CCSER1: variants seen among roughly 807,000 people sequenced by gnomAD.
The protein encoded by CCSER1 is serine-rich coiled-coil domain-containing protein 1.
A neutral mutation model predicts 82.0 loss-of-function variants in CCSER1; 41 were observed. That is an observed-to-expected ratio of 0.50 (90% CI 0.39 to 0.65). The LOEUF is 0.65. CCSER1 is among the 30% of genes least tolerant of loss of function. CCSER1 has a pLI of 0.00. For synonymous variants in CCSER1, 414 were observed against 383.9 expected, an observed-to-expected ratio of 1.08 and a Z score of -0.92; for missense variants, 1,119 against 1,064.2, an observed-to-expected ratio of 1.05 and a Z score of -0.72.
At chr4:90,806,253 T>C (rs951713282) in intron 7 of CCSER1, among the ~76,000 whole-genome samples, 3 of 152,196 alleles carry the variant, frequency 2.0e-5, no homozygotes, top group Admixed American at 2.0e-4. Flanking sequence ...ATTTTATATG[T>C]GTTATTCCAT....
chr4:90,556,679 A>T (rs554241140), intron 5 of CCSER1, among the ~76,000 whole-genome samples: 8 of 152,022 alleles, frequency 5.3e-5, no homozygotes, highest in Non-Finnish European at 8.8e-5. Context: ...AGAGAAATAT[A>T]TTTATTCATT....
intron 1 of CCSER1, among the ~76,000 whole-genome samples, chr4:90,293,560 A>T (rs1027111086): frequency 6.6e-6 from 1 of 151,068 alleles, no homozygotes; most frequent in Non-Finnish European, 1.5e-5. Context: ...ATGAAACTGC[A>T]GGTTATTTAT....
intron 10 of CCSER1, among the ~76,000 whole-genome samples, chr4:91,225,807 C>T (rs533461585): frequency 9.2e-5 from 14 of 151,852 alleles, no homozygotes; most frequent in African/African-American, 3.4e-4. Flanking sequence ...TCTTACATTG[C>T]ATACTCAGAA....
chr4:91,504,071 T>C (rs1365183915), intron 10 of CCSER1, among the ~76,000 whole-genome samples: 1 of 152,178 alleles, frequency 6.6e-6, no homozygotes, highest in African/African-American at 2.4e-5. Flanking sequence ...TGTTGGATTA[T>C]AAATGCACAG....
intron 3 of CCSER1, among the ~76,000 whole-genome samples, chr4:90,383,668 G>C (rs2153533276): frequency 6.6e-6 from 1 of 151,982 alleles, no homozygotes; most frequent in South Asian, 2.1e-4. Context: ...ATATATTTAA[G>C]TCTTGGTTCA....
chr4:91,301,661 C>G (rs1477786711), intron 10 of CCSER1, among the ~76,000 whole-genome samples: 1 of 151,782 alleles, frequency 6.6e-6, no homozygotes, highest in Non-Finnish European at 1.5e-5. Flanking sequence ...CCTTTAATGG[C>G]AGTTATCTTC....
rs1578893584 is a variant in CCSER1 at position 91,598,925 on chromosome 4, G to C, written c.2571G>C (p.Ser857=). Residue 857 remains serine (S), a synonymous_variant, in exon 11 of 11, where the codon TCG becomes TCC. Coordinates refer to ENST00000509176, the MANE Select transcript of CCSER1 (RefSeq NM_001145065.2). ...AAGTTGCTACGGCCCGACAGCATTC[G>C]ACCTTTACAGGCAGGTTTGGACAGC... ...KDQVATARQH[S]TFTGRFGQPP... 1 of 1,551,550 alleles carries C rather than the reference G, an allele frequency of 6.4e-7. No homozygotes were observed. The highest frequency in any genetic ancestry group is 8.7e-7 in the Non-Finnish European group (1 of 1,146,910).
intron 5 of CCSER1, among the ~76,000 whole-genome samples, chr4:90,544,346 A>C (rs564598641): frequency 6.6e-6 from 1 of 152,118 alleles, no homozygotes; most frequent in Non-Finnish European, 1.5e-5. Context: ...AAGCTGTTAT[A>C]TGCGTGGTTA....
At chr4:90,640,822 G>T (rs774948741) in intron 6 of CCSER1, among the ~76,000 whole-genome samples, 3 of 152,096 alleles carry the variant, frequency 2.0e-5, no homozygotes, top group Non-Finnish European at 4.4e-5. Flanking sequence ...CTTCCACCAT[G>T]ACTGTAAGTT....
At chr4:90,201,601 C>A (rs767991036) in intron 1 of CCSER1, among the ~76,000 whole-genome samples, 1 of 151,030 alleles carries the variant, frequency 6.6e-6, no homozygotes, top group African/African-American at 2.4e-5. Flanking sequence ...TATACTAAAT[C>A]TTTGAAATCC....
chr4:90,782,372 T>C (rs2149615826), intron 7 of CCSER1, among the ~76,000 whole-genome samples: 1 of 152,314 alleles, frequency 6.6e-6, no homozygotes, highest in South Asian at 2.1e-4. Context: ...CTGTGAAAAT[T>C]ATTGGACTAG....
At chr4:90,283,862 G>T (rs1280511809) in intron 1 of CCSER1, among the ~76,000 whole-genome samples, 1 of 151,954 alleles carries the variant, frequency 6.6e-6, no homozygotes, top group African/African-American at 2.4e-5. Context: ...GGATTGCTGG[G>T]TCACATGGTA....
In CCSER1 at chr4:90,457,216, C is replaced by A. The variant is rs535022536; in HGVS notation, c.1604-11018C>A. Among the ~76,000 whole-genome samples, 26 of 152,320 alleles carry A rather than the reference C, an allele frequency of 1.7e-4. No homozygotes were observed. In the East Asian group the frequency reaches 4.8e-3, roughly 28 times the overall value. On this transcript the variant is annotated intron_variant, in intron 4 of 10. Coordinates refer to ENST00000509176, the MANE Select transcript of CCSER1 (RefSeq NM_001145065.2). ...CACCAGGGAACACTTTGTCACCCAG[C>A]AGCTTGGAGATCCCAGGAACTGCAG...
chr4:91,510,984 C>T (rs543175976), intron 10 of CCSER1, among the ~76,000 whole-genome samples: 40 of 152,194 alleles, frequency 2.6e-4, no homozygotes, highest in Non-Finnish European at 5.0e-4. Context: ...GTCTTTAATC[C>T]ATCTTAAGCT....
intron 5 of CCSER1, among the ~76,000 whole-genome samples, chr4:90,544,500 C>T (rs968252281): frequency 6.6e-6 from 1 of 152,070 alleles, no homozygotes; most frequent in Non-Finnish European, 1.5e-5. Flanking sequence ...TCTCTGCAAC[C>T]CTGCATGATA....
intron 1 of CCSER1, among the ~76,000 whole-genome samples, chr4:90,237,866 A>G (rs924131337): frequency 2.0e-5 from 3 of 152,216 alleles, no homozygotes; most frequent in African/African-American, 7.2e-5. Context: ...GGCAGCTGTC[A>G]AACACCAACA....
intron 5 of CCSER1, among the ~76,000 whole-genome samples, chr4:90,597,692 G>T (rs891038277): frequency 6.6e-6 from 1 of 151,892 alleles, no homozygotes; most frequent in Non-Finnish European, 1.5e-5. Context: ...CTTATTTAAC[G>T]AAAATTCCTA....
intron 1 of CCSER1, among the ~76,000 whole-genome samples, chr4:90,240,520 T>A (rs1368884596): frequency 6.6e-6 from 1 of 152,154 alleles, no homozygotes; most frequent in African/African-American, 2.4e-5. Context: ...CCCTTCCTCC[T>A]GCAGTGTCCC....
At chr4:91,049,298 G>A (rs1244997016) in intron 9 of CCSER1, among the ~76,000 whole-genome samples, 2 of 152,138 alleles carry the variant, frequency 1.3e-5, no homozygotes, top group Admixed American at 6.6e-5. Flanking sequence ...GCAACTAGTT[G>A]TATCAGTTCA....
Sources: gnomAD v4.1 joint callset for allele counts (sites outside exome capture counted in the v4.1 genomes callset) on GRCh38, gnomAD v4.1.1 for gene constraint, MANE v1.5 for transcripts, NCBI Gene and HGNC (gene_info 2026-07-23, HGNC 2026-07-21) for gene names.